Variants in ACER3 observed in about 807,000 individuals in gnomAD.
ACER3 encodes the protein alkaline ceramidase 3, also known as alkCDase 3.
A neutral mutation model predicts 48.9 loss-of-function variants in ACER3; 16 were observed. That is an observed-to-expected ratio of 0.33 (90% CI 0.22 to 0.50). ACER3 has a LOEUF of 0.50. ACER3 is among the 20% of genes least tolerant of loss of function. The pLI is 0.98. For synonymous variants in ACER3, 109 were observed against 107.8 expected (o/e 1.01, Z -0.07); for missense variants, 227 against 326.0 (o/e 0.70, Z 2.34).
chr11:76,933,226 CTTGAA>C (rs1400359540), intron 2 of ACER3, among the ~76,000 whole-genome samples: 4 of 119,574 alleles, frequency 3.3e-5, no homozygotes, highest in Non-Finnish European at 7.1e-5. Context: ...AGTGGGCAGT[CTTGAA>C]TTAGAAATCT....
At chr11:76,923,424 G>A (rs1477285364) in intron 1 of ACER3, among the ~76,000 whole-genome samples, 1 of 152,090 alleles carries the variant, frequency 6.6e-6, no homozygotes, top group Non-Finnish European at 1.5e-5. Context: ...TATATGATCT[G>A]TTTTAGTCCT....
intron 4 of ACER3, chr11:76,978,457 C>G (rs1485300793): frequency 6.6e-6 from 1 of 152,312 alleles, no homozygotes; most frequent in African/African-American, 2.4e-5. Flanking sequence ...TGGACATTCA[C>G]TGGGATGACC....
chr11:76,977,371 T>A (rs913058418), intron 4 of ACER3, among the ~76,000 whole-genome samples: 1 of 152,170 alleles, frequency 6.6e-6, no homozygotes, highest in Admixed American at 6.5e-5. Context: ...TACTGCATGA[T>A]CAAATAATGT....
Position 76,923,038 on chromosome 11 carries a change from A to T in ACER3, c.104-3519A>T, listed in dbSNP as rs1451902385. ...TTTTATCAAAGCAATATATAAAAAA[A>T]ATTTAAAAATCTAGATAATGCTAAA... is the stretch of plus-strand genomic sequence containing the variant. On this transcript the variant is annotated intron_variant, in intron 1 of 10. Coordinates refer to ENST00000532485, the MANE Select transcript of ACER3 (RefSeq NM_018367.7). Among the ~76,000 whole-genome samples, 3 of 152,094 alleles carry T rather than the reference A, an allele frequency of 2.0e-5. No homozygotes were observed. In the East Asian group the frequency reaches 5.8e-4, roughly 29 times the overall value.
chr11:76,965,983 T>C (rs1948127321), intron 3 of ACER3, among the ~76,000 whole-genome samples: 2 of 151,328 alleles, frequency 1.3e-5, no homozygotes, highest in Non-Finnish European at 2.9e-5. Context: ...GTAAATGGGC[T>C]AAATGCTCCA....
intron 2 of ACER3, among the ~76,000 whole-genome samples, chr11:76,943,768 T>C (rs1272393361): frequency 6.7e-6 from 1 of 148,570 alleles, no homozygotes; most frequent in African/African-American, 2.5e-5. Flanking sequence ...CCCACTATTA[T>C]CATATTGCTG....
intron 2 of ACER3, among the ~76,000 whole-genome samples, chr11:76,956,858 C>G (rs1947855098): frequency 6.6e-6 from 1 of 151,970 alleles, no homozygotes; most frequent in South Asian, 2.1e-4. Context: ...GAGATGAGTG[C>G]AATAACTATC....
intron 2 of ACER3, among the ~76,000 whole-genome samples, chr11:76,948,815 C>G (rs1947555209): frequency 6.6e-6 from 1 of 152,104 alleles, no homozygotes; most frequent in African/African-American, 2.4e-5. Flanking sequence ...ATCTTTGTAC[C>G]TGAATTTTTC....
intron 1 of ACER3, among the ~76,000 whole-genome samples, chr11:76,882,252 GCGT>G (rs1945547649): frequency 2.7e-5 from 2 of 73,954 alleles, no homozygotes; most frequent in Non-Finnish European, 6.6e-5. Context: ...TAATCTGCCC[GCGT>G]CAACTGCCAA....
At chr11:76,999,818 T>G (rs1401334046) in intron 7 of ACER3, among the ~76,000 whole-genome samples, 3 of 152,200 alleles carry the variant, frequency 2.0e-5, no homozygotes, top group African/African-American at 4.8e-5. Flanking sequence ...CTGAGTAGTA[T>G]TCCATGGTAT....
intron 1 of ACER3, among the ~76,000 whole-genome samples, chr11:76,865,570 G>A (rs1283055962): frequency 9.3e-5 from 14 of 150,662 alleles, no homozygotes; most frequent in African/African-American, 2.7e-4. Context: ...GTGCAGTGGC[G>A]CAATCTTGGC....
chr11:76,986,768 G>A (rs1168799899), intron 5 of ACER3, among the ~76,000 whole-genome samples: 1 of 152,034 alleles, frequency 6.6e-6, no homozygotes, highest in Admixed American at 6.6e-5. Context: ...ATTTATCCTC[G>A]AAGAAGTGTG....
intron 4 of ACER3, among the ~76,000 whole-genome samples, chr11:76,980,405 A>T (rs1436599570): frequency 2.0e-5 from 3 of 152,038 alleles, no homozygotes; most frequent in Non-Finnish European, 4.4e-5. Flanking sequence ...AGCTGGGCAT[A>T]GTTGCTCACA....
chr11:76,943,515 G>C (rs1172566218), intron 2 of ACER3, among the ~76,000 whole-genome samples: 1 of 152,024 alleles, frequency 6.6e-6, no homozygotes, highest in Non-Finnish European at 1.5e-5. Context: ...ACTGTGATCT[G>C]AGAAGATACT....
At chr11:76,877,955 C>G (rs562459188) in intron 1 of ACER3, among the ~76,000 whole-genome samples, 2 of 151,174 alleles carry the variant, frequency 1.3e-5, no homozygotes, top group Non-Finnish European at 2.9e-5. Flanking sequence ...ACAAATTGTG[C>G]TTATTAGTAT....
At chr11:76,962,988 G>A (rs1353690290) in intron 3 of ACER3, among the ~76,000 whole-genome samples, 3 of 151,428 alleles carry the variant, frequency 2.0e-5, no homozygotes, top group African/African-American at 4.9e-5. Context: ...CACAGCTACA[G>A]GCAAGATAGA....
intron 1 of ACER3, among the ~76,000 whole-genome samples, chr11:76,899,517 A>G (rs1340086411): frequency 6.6e-6 from 1 of 152,194 alleles, no homozygotes; most frequent in South Asian, 2.1e-4. Context: ...TCTCACAGAC[A>G]TCTTAATTCA....
intron 2 of ACER3, chr11:76,957,405 T>A (rs1947869072): frequency 2.3e-6 from 1 of 430,200 alleles, no homozygotes; most frequent in Admixed American, 2.6e-5. Context: ...AATTATTGAA[T>A]ACATATATAC....
chr11:77,018,632 T>C (rs961365421), intron 9 of ACER3, among the ~76,000 whole-genome samples: 2 of 152,356 alleles, frequency 1.3e-5, no homozygotes, highest in Non-Finnish European at 2.9e-5. Context: ...TTAAAAGTGC[T>C]ACTCCAGAGA....
Sources: allele counts gnomAD v4.1 joint callset (sites outside exome capture counted in the v4.1 genomes callset), GRCh38; gene constraint gnomAD v4.1.1; transcripts MANE v1.5; gene names NCBI Gene and HGNC (gene_info 2026-07-23, HGNC 2026-07-21).